PTPRD: variants seen among roughly 807,000 people sequenced by gnomAD.
PTPRD encodes the protein protein tyrosine phosphatase receptor type D.
Under a neutral mutation model 214.5 loss-of-function variants are expected in PTPRD, and 34 were observed. The ratio of observed to expected loss-of-function variants is 0.16; its 90% CI spans 0.12 to 0.21. PTPRD has a LOEUF of 0.21. PTPRD is among the 10% of genes least tolerant of loss of function. The pLI is 1.00. For synonymous variants in PTPRD, 1,128 were observed against 845.7 expected (o/e 1.33, Z -5.79); for missense variants, 2,545 against 2,398.7 (o/e 1.06, Z -1.27).
rs142384326 is a variant in PTPRD, at chr9:9,945,453, G to A, written c.-471-6843C>T. Among the ~76,000 whole-genome samples the A allele has an allele frequency of 2.4e-3, 366 of 152,218 alleles. 1 individual carries two copies. Among genetic ancestry groups the A allele is most frequent in the African/African-American group, 8.3e-3 (345 of 41,546 alleles). Reference sequence around the variant, plus strand: ...ATATGAAGATAAAAATCAAGAAGAAGTAAAATGGAGCTGTTAATGAAATAT... The same window carrying A: ...ATATGAAGATAAAAATCAAGAAGAAATAAAATGGAGCTGTTAATGAAATAT... On this transcript the variant is annotated intron_variant, in intron 4 of 45. Coordinates refer to ENST00000381196, the MANE Select transcript of PTPRD (RefSeq NM_002839.4).
intron 7 of PTPRD, among the ~76,000 whole-genome samples, chr9:9,668,970 G>A (rs1167529663): frequency 1.3e-5 from 2 of 152,098 alleles, no homozygotes; most frequent in African/African-American, 4.8e-5. Context: ...AGCTACTGTA[G>A]TGGGAAAAAA....
chr9:10,402,277 T>C (rs1050695001), intron 2 of PTPRD, among the ~76,000 whole-genome samples: 1 of 151,674 alleles, frequency 6.6e-6, no homozygotes, highest in East Asian at 1.9e-4. Flanking sequence ...ATTACAGAAC[T>C]GACAAAAATA....
At chr9:8,614,274 A>T (rs2095540688) in intron 14 of PTPRD, among the ~76,000 whole-genome samples, 1 of 152,196 alleles carries the variant, frequency 6.6e-6, no homozygotes, top group Non-Finnish European at 1.5e-5. Flanking sequence ...CATTTCATAC[A>T]GTGGCAAAAT....
At chr9:8,572,593 T>C (rs2091444463) in intron 14 of PTPRD, among the ~76,000 whole-genome samples, 1 of 152,012 alleles carries the variant, frequency 6.6e-6, no homozygotes, top group Non-Finnish European at 1.5e-5. Context: ...AAATTAACAT[T>C]AGACAACACA....
intron 3 of PTPRD, among the ~76,000 whole-genome samples, chr9:10,163,455 G>A (rs1347140689): frequency 6.6e-6 from 1 of 151,418 alleles, no homozygotes; most frequent in African/African-American, 2.4e-5. Context: ...CTTTTATAAA[G>A]TGAGAGTGAA....
chr9:8,510,437 C>T (rs990883375), intron 21 of PTPRD, among the ~76,000 whole-genome samples: 5 of 152,306 alleles, frequency 3.3e-5, no homozygotes, highest in East Asian at 3.9e-4. Flanking sequence ...GAAGAGGGAC[C>T]GCAGGCCATG....
intron 5 of PTPRD, among the ~76,000 whole-genome samples, chr9:9,805,743 A>G (rs1331120775): frequency 6.6e-6 from 1 of 152,158 alleles, no homozygotes; most frequent in Non-Finnish European, 1.5e-5. Context: ...CTATTCTCAA[A>G]GGAAGAATGA....
At chr9:8,776,297 T>A (rs902958174) in intron 11 of PTPRD, among the ~76,000 whole-genome samples, 1 of 152,118 alleles carries the variant, frequency 6.6e-6, no homozygotes, top group Non-Finnish European at 1.5e-5. Flanking sequence ...ACCTCAAAAG[T>A]AGGCATTTTT....
At chr9:10,056,480 T>C (rs2097651434) in intron 3 of PTPRD, among the ~76,000 whole-genome samples, 2 of 152,094 alleles carry the variant, frequency 1.3e-5, no homozygotes, top group African/African-American at 4.8e-5. Context: ...AGTCAGTCTT[T>C]TTATTTTGTA....
At chr9:9,045,227 A>G (rs2099668500) in intron 10 of PTPRD, among the ~76,000 whole-genome samples, 1 of 152,190 alleles carries the variant, frequency 6.6e-6, no homozygotes, top group African/African-American at 2.4e-5. Flanking sequence ...ATGAATGCCC[A>G]GAGAGCTTGC....
intron 9 of PTPRD, among the ~76,000 whole-genome samples, chr9:9,197,450 G>A (rs950357379): frequency 6.6e-5 from 10 of 151,872 alleles, no homozygotes; most frequent in East Asian, 5.8e-4. Flanking sequence ...TCACTCTGTC[G>A]CCCAGACTGG....
At chr9:10,463,379 G>A (rs1039442150) in intron 2 of PTPRD, among the ~76,000 whole-genome samples, 1 of 152,048 alleles carries the variant, frequency 6.6e-6, no homozygotes, top group Non-Finnish European at 1.5e-5. Flanking sequence ...TTAATAGAGA[G>A]AGACAGAGGA....
chr9:9,582,004 A>T (rs1026742344), intron 7 of PTPRD, among the ~76,000 whole-genome samples: 1 of 152,166 alleles, frequency 6.6e-6, no homozygotes, highest in African/African-American at 2.4e-5. Flanking sequence ...CCACTTCAAA[A>T]GCTACTAGAC....
chr9:10,253,217 CATACG>C (rs1215749605), intron 3 of PTPRD, among the ~76,000 whole-genome samples: 22 of 152,144 alleles, frequency 1.4e-4, no homozygotes, highest in African/African-American at 5.3e-4. Context: ...TGATGTCTGG[CATACG>C]ATTATGAACA....
chr9:9,822,073 CTG>C (rs2153576049), intron 5 of PTPRD, among the ~76,000 whole-genome samples: 1 of 151,830 alleles, frequency 6.6e-6, no homozygotes, highest in African/African-American at 2.4e-5. Flanking sequence ...ATCATTATAA[CTG>C]TAAATTTATC....
At chr9:9,725,272 T>A (rs919134019) in intron 7 of PTPRD, among the ~76,000 whole-genome samples, 3 of 151,226 alleles carry the variant, frequency 2.0e-5, no homozygotes, top group African/African-American at 7.3e-5. Context: ...ATAAGTCTCA[T>A]GAGATCTGAC....
intron 8 of PTPRD, among the ~76,000 whole-genome samples, chr9:9,527,337 G>A (rs1409307904): frequency 6.6e-6 from 1 of 152,164 alleles, no homozygotes; most frequent in East Asian, 1.9e-4. Context: ...ATGACAGTCA[G>A]AAATAAGAAG....
intron 11 of PTPRD, among the ~76,000 whole-genome samples, chr9:8,909,866 CAAAA>C (rs35074557): frequency 8.2e-6 from 1 of 121,838 alleles, no homozygotes; most frequent in East Asian, 2.4e-4. Context: ...ATATTAAAGG[CAAAA>C]AAAAAAAAAA....
chr9:9,426,284 C>T (rs1161328147), intron 8 of PTPRD, among the ~76,000 whole-genome samples: 4 of 152,180 alleles, frequency 2.6e-5, no homozygotes, highest in Admixed American at 6.5e-5. Context: ...TCAGAGGGTC[C>T]CACGCCCATG....
Sources: gnomAD v4.1 joint callset for allele counts (sites outside exome capture counted in the v4.1 genomes callset) on GRCh38, gnomAD v4.1.1 for gene constraint, MANE v1.5 for transcripts, NCBI Gene and HGNC (gene_info 2026-07-23, HGNC 2026-07-21) for gene names.